The following LRRC4C variants were observed in gnomAD, a reference collection of about 807,000 sequenced individuals.
The protein encoded by LRRC4C is leucine rich repeat containing 4C, also known as leucine-rich repeat-containing protein 4C.
LRRC4C carries 5 observed loss-of-function variants against 33.6 expected under a neutral mutation model. That is an observed-to-expected ratio of 0.15 (90% CI 0.08 to 0.31). The LOEUF is 0.31. Ranked by LOEUF, LRRC4C falls within the 10% of genes least tolerant of loss-of-function variation. The pLI is 1.00. For synonymous variants in LRRC4C, 329 were observed against 302.0 expected, an observed-to-expected ratio of 1.09 and a Z score of -0.93; for missense variants, 560 against 796.7, an observed-to-expected ratio of 0.70 and a Z score of 3.58.
At chr11:41,231,606 G>C (rs1392154249) in intron 1 of LRRC4C, among the ~76,000 whole-genome samples, 1 of 139,904 alleles carries the variant, frequency 7.1e-6, no homozygotes, top group East Asian at 2.2e-4. Context: ...CACATGCCAG[G>C]GCCCCTTGTG....
At chr11:40,925,868 A>C (rs1957390009) in intron 2 of LRRC4C, among the ~76,000 whole-genome samples, 1 of 152,186 alleles carries the variant, frequency 6.6e-6, no homozygotes, top group Non-Finnish European at 1.5e-5. Flanking sequence ...TTCTAAAACG[A>C]AATATACAAG....
At chr11:40,660,688 C>T (rs1943387031) in intron 2 of LRRC4C, among the ~76,000 whole-genome samples, 1 of 152,172 alleles carries the variant, frequency 6.6e-6, no homozygotes, top group African/African-American at 2.4e-5. Context: ...GACACCCCCA[C>T]AGGACTCAAG....
At position 41,323,316 on chromosome 11, in the gene LRRC4C, C is replaced by T. The variant is rs530529921; in HGVS notation, c.-496+136115G>A. On this transcript the variant is annotated intron_variant, in intron 1 of 6. Coordinates refer to ENST00000528697, the MANE Select transcript of LRRC4C (RefSeq NM_001258419.2). ...ACAAACTCAGATGCCTTTCAGATTG[C>T]TGTTCTCCAATCTTTTCCAAGAGAA... 1.6e-3 allele frequency among the ~76,000 whole-genome samples: 242 copies of T among 152,298 alleles called. 6 individuals carry two copies. The highest frequency in any genetic ancestry group is 0.014 in the Middle Eastern group (4 of 294).
At chr11:41,104,295 G>A (rs1941368922) in intron 1 of LRRC4C, among the ~76,000 whole-genome samples, 1 of 151,798 alleles carries the variant, frequency 6.6e-6, no homozygotes, top group South Asian at 2.1e-4. Context: ...TTAAAAATGA[G>A]CAACAGATTT....
intron 1 of LRRC4C, among the ~76,000 whole-genome samples, chr11:41,016,411 T>A (rs578197607): frequency 6.6e-6 from 1 of 152,328 alleles, no homozygotes; most frequent in East Asian, 1.9e-4. Flanking sequence ...TCTTATATAC[T>A]GTGTAACTAA....
intron 4 of LRRC4C, among the ~76,000 whole-genome samples, chr11:40,296,067 A>G (rs1391446662): frequency 6.6e-6 from 1 of 152,186 alleles, no homozygotes; most frequent in Admixed American, 6.5e-5. Flanking sequence ...TGTTTTTTTC[A>G]GAGCTGATTA....
chr11:41,031,629 C>G (rs983466822), intron 1 of LRRC4C, among the ~76,000 whole-genome samples: 3 of 151,940 alleles, frequency 2.0e-5, no homozygotes, highest in African/African-American at 7.2e-5. Context: ...TATTCCAGGT[C>G]CATTTTAAAA....
At chr11:40,555,179 G>T (rs192344257) in intron 3 of LRRC4C, among the ~76,000 whole-genome samples, 1 of 152,232 alleles carries the variant, frequency 6.6e-6, no homozygotes, top group Non-Finnish European at 1.5e-5. Context: ...TAGATCTAGA[G>T]CCATATCATC....
At chr11:40,533,991 T>G (rs1174620642) in intron 3 of LRRC4C, among the ~76,000 whole-genome samples, 1 of 152,176 alleles carries the variant, frequency 6.6e-6, no homozygotes, top group Non-Finnish European at 1.5e-5. Flanking sequence ...GCCTTAGTGC[T>G]CACAAGATTT....
At chr11:40,285,803 T>C (rs1199886905) in intron 4 of LRRC4C, among the ~76,000 whole-genome samples, 1 of 152,142 alleles carries the variant, frequency 6.6e-6, no homozygotes, top group Non-Finnish European at 1.5e-5. Context: ...TGAACTGCTA[T>C]GTTTATTTGT....
intron 2 of LRRC4C, among the ~76,000 whole-genome samples, chr11:40,868,492 T>A (rs1235022843): frequency 1.3e-5 from 2 of 152,092 alleles, no homozygotes; most frequent in East Asian, 1.9e-4. Context: ...AAAACTCAGA[T>A]GGAAATTTTC....
At chr11:40,362,875 C>T (rs1343487547) in intron 3 of LRRC4C, among the ~76,000 whole-genome samples, 1 of 152,162 alleles carries the variant, frequency 6.6e-6, no homozygotes, top group Admixed American at 6.5e-5. Context: ...TACCATCTCA[C>T]ACCAGTCAGA....
At chr11:40,310,913 T>A (rs1235558115) in intron 4 of LRRC4C, among the ~76,000 whole-genome samples, 1 of 152,222 alleles carries the variant, frequency 6.6e-6, no homozygotes, top group African/African-American at 2.4e-5. Flanking sequence ...TTGAAAATAT[T>A]TTGAAAACCA....
intron 3 of LRRC4C, among the ~76,000 whole-genome samples, chr11:40,500,648 C>T (rs766186067): frequency 7.9e-5 from 12 of 151,976 alleles, no homozygotes; most frequent in Middle Eastern, 3.2e-3. Flanking sequence ...AGGTACAGTA[C>T]GGGAGAAACT....
intron 2 of LRRC4C, among the ~76,000 whole-genome samples, chr11:40,860,639 T>C (rs1954039606): frequency 6.6e-6 from 1 of 152,098 alleles, no homozygotes; most frequent in Non-Finnish European, 1.5e-5. Context: ...TGTCTTCTTA[T>C]TAGAACACTA....
intron 3 of LRRC4C, among the ~76,000 whole-genome samples, chr11:40,622,046 C>A (rs1285570889): frequency 6.6e-6 from 1 of 151,092 alleles, no homozygotes; most frequent in East Asian, 1.9e-4. Flanking sequence ...TTATCCAAGT[C>A]CATTCCAGCT....
intron 5 of LRRC4C, among the ~76,000 whole-genome samples, chr11:40,221,939 C>A (rs545533239): frequency 4.6e-5 from 7 of 152,246 alleles, no homozygotes; most frequent in African/African-American, 1.7e-4. Context: ...CTCGTCGATG[C>A]CCTCGGCTGA....
At chr11:40,383,517 A>G (rs1159093376) in intron 3 of LRRC4C, among the ~76,000 whole-genome samples, 1 of 152,026 alleles carries the variant, frequency 6.6e-6, no homozygotes, top group African/African-American at 2.4e-5. Flanking sequence ...TCTTACCAAC[A>G]TTTGTTATCT....
intron 1 of LRRC4C, among the ~76,000 whole-genome samples, chr11:40,943,736 G>A (rs533936986): frequency 6.6e-6 from 1 of 152,136 alleles, no homozygotes; most frequent in Non-Finnish European, 1.5e-5. Context: ...TGAAGTGTTT[G>A]CACACATTAG....
Sources: allele counts gnomAD v4.1 joint callset (sites outside exome capture counted in the v4.1 genomes callset), GRCh38; gene constraint gnomAD v4.1.1; transcripts MANE v1.5; gene names NCBI Gene and HGNC (gene_info 2026-07-23, HGNC 2026-07-21).